The following RAD18 variants were observed in gnomAD, a reference collection of about 807,000 sequenced individuals.
The protein encoded by RAD18 is RAD18 E3 ubiquitin protein ligase, also known as E3 ubiquitin-protein ligase RAD18.
In RAD18, 47 loss-of-function variants were observed where a neutral mutation model predicts 60.4. The observed-to-expected ratio is 0.78, with a 90% CI of 0.62 to 0.99. The LOEUF (loss-of-function observed/expected upper bound fraction) is 0.99, where lower values mean the gene tolerates loss of function less well. Among genes scored for constraint, RAD18 ranks in the 50% least tolerant of loss-of-function variants. The pLI is 0.00. For synonymous variants in RAD18, 225 were observed against 195.5 expected (o/e 1.15, Z -1.26); for missense variants, 640 against 593.3 (o/e 1.08, Z -0.82).
At position 8,939,458 on chromosome 3, in the gene RAD18, G is replaced by A. The variant is rs11922749; in HGVS notation, c.704+96C>T. Reference sequence around the variant, plus strand: ...GAAAGCAAGTAAGAGCAGGAAATACGGTCACCAGGATAAAAGGAATACTGT... The same window carrying A: ...GAAAGCAAGTAAGAGCAGGAAATACAGTCACCAGGATAAAAGGAATACTGT... On this transcript the variant is annotated intron_variant, in intron 6 of 12. Transcript: ENST00000264926. 6.5e-3 allele frequency: 6,326 copies of A among 978,598 alleles called. 294 individuals carry two copies. In the African/African-American group the frequency reaches 0.09, roughly 14 times the overall value. The allele number at this position is 978,598 out of a possible 1,614,324, so 60.6% of individuals were successfully genotyped here. A position where few individuals can be genotyped will look rare whatever the true frequency, so the allele number is the denominator to read the frequency against.
chr3:8,945,614 G>A (rs889726568), intron 4 of RAD18, among the ~76,000 whole-genome samples: 2 of 151,560 alleles, frequency 1.3e-5, no homozygotes, highest in African/African-American at 4.8e-5. Context: ...TGGGATTACA[G>A]GTGTGTGCCA....
intron 7 of RAD18, among the ~76,000 whole-genome samples, chr3:8,925,753 C>A (rs1251165188): frequency 1.7e-4 from 26 of 152,126 alleles, no homozygotes; most frequent in African/African-American, 6.3e-4. Flanking sequence ...AAGGCTGGTT[C>A]AACATATGCA....
chr3:8,906,992 A>G (rs1940018363), intron 9 of RAD18, among the ~76,000 whole-genome samples: 1 of 152,220 alleles, frequency 6.6e-6, no homozygotes, highest in South Asian at 2.1e-4. Context: ...CTGTGGTCAG[A>G]GAACGTATTT....
chr3:8,927,486 G>A lies in RAD18; in HGVS notation c.889+8385C>T, dbSNP rs1940462042. Among the ~76,000 whole-genome samples, 4 of 152,216 alleles carry A rather than the reference G, an allele frequency of 2.6e-5. No homozygotes were observed. The South Asian group carries it at 8.3e-4, about 32-fold the overall frequency. On this transcript the variant is annotated intron_variant, in intron 7 of 12. Transcript: ENST00000264926. ...GGGACTGTAAACTAGTTCAACCATT[G>A]TAGAAGTCAGTGTGGCAATTCCTCA...
At chr3:8,906,151 C>T (rs565698542) in intron 9 of RAD18, among the ~76,000 whole-genome samples, 122 of 152,086 alleles carry the variant, frequency 8.0e-4, no homozygotes, top group Middle Eastern at 3.4e-3. Context: ...TATCAGAATG[C>T]GTTAAAAATG....
At chr3:8,959,045 A>C (rs749852968) in intron 1 of RAD18, 44 bp from the exon 2 acceptor site, 3 of 1,511,402 alleles carry the variant, frequency 2.0e-6, no homozygotes, top group Non-Finnish European at 1.8e-6. Flanking sequence ...AAGACATCAA[A>C]ATTGGAAGTC....
At chr3:8,901,855 T>C (rs1490530034) in intron 10 of RAD18, among the ~76,000 whole-genome samples, 1 of 152,246 alleles carries the variant, frequency 6.6e-6, no homozygotes, top group Non-Finnish European at 1.5e-5. Context: ...GCAATTTTCT[T>C]GCGCACTTTC....
intron 3 of RAD18, among the ~76,000 whole-genome samples, 176 bp from the exon 4 acceptor site, chr3:8,947,466 T>A (rs1041299569): frequency 6.6e-6 from 1 of 152,178 alleles, no homozygotes; most frequent in South Asian, 2.1e-4. Flanking sequence ...TTTAAAACAG[T>A]GAATCAGTAT....
intron 2 of RAD18, among the ~76,000 whole-genome samples, chr3:8,950,466 T>G (rs1940909615): frequency 6.6e-6 from 1 of 152,214 alleles, no homozygotes; most frequent in South Asian, 2.1e-4. Flanking sequence ...CTAGCCATCC[T>G]GTCCCATCTA....
intron 7 of RAD18, among the ~76,000 whole-genome samples, chr3:8,921,874 T>C (rs659798): frequency 0.69 from 104,623 of 152,070 alleles, 36,575 homozygotes; most frequent in Middle Eastern, 0.77. Context: ...AAAGCAAAAA[T>C]AGTAACAAGG....
intron 12 of RAD18, among the ~76,000 whole-genome samples, chr3:8,886,769 G>T (rs1402648780): frequency 6.6e-6 from 1 of 152,208 alleles, no homozygotes. Flanking sequence ...CAGAAGCAGC[G>T]GCGTGTGCAA....
intron 7 of RAD18, among the ~76,000 whole-genome samples, chr3:8,926,644 C>T (rs1176331520): frequency 6.6e-6 from 1 of 152,198 alleles, no homozygotes; most frequent in East Asian, 1.9e-4. Context: ...CATCATGCTA[C>T]TTGACTTCAA....
intron 12 of RAD18, among the ~76,000 whole-genome samples, chr3:8,882,088 G>A (rs530197261): frequency 2.0e-5 from 3 of 152,260 alleles, no homozygotes; most frequent in Admixed American, 6.5e-5. Context: ...CTGGGAGCAG[G>A]ACAGGTGAAT....
chr3:8,906,493 T>C (rs1458302628), intron 9 of RAD18, among the ~76,000 whole-genome samples: 5 of 152,198 alleles, frequency 3.3e-5, no homozygotes, highest in Non-Finnish European at 5.9e-5. Context: ...ACCTCTCTAA[T>C]AAGGCTGGTC....
Position 8,941,724 on chromosome 3 carries a change from A to C in RAD18, c.347T>G (p.Val116Gly), listed in dbSNP as rs755498145. The change falls in exon 5 of 13, where the codon GTA becomes GGA. Residue 116 changes from valine (V) to glycine (G), a missense_variant. Val to Gly is a moderately radical substitution (Grantham distance 109). Transcript: ENST00000264926. Reference protein sequence around the residue: ...SSSSKNLAVKVYTPVASRQSL... With the variant: ...SSSSKNLAVKGYTPVASRQSL... ...CTGTCTGGAGGCTACAGGAGTATAT[A>C]CTTTGACAGCAAGATTCTTTGAAGA... 3.1e-6 allele frequency: 5 copies of C among 1,614,052 alleles called. No homozygotes were observed. In the Admixed American group the frequency reaches 6.7e-5, roughly 22 times the overall value.
intron 7 of RAD18, among the ~76,000 whole-genome samples, chr3:8,931,231 T>C (rs1402168406): frequency 7.2e-5 from 11 of 151,788 alleles, no homozygotes; most frequent in Admixed American, 7.2e-4. Context: ...TAATAAACAA[T>C]GAGAAATAAA....
At chr3:8,960,281 G>A (rs531720538) in intron 1 of RAD18, among the ~76,000 whole-genome samples, 3 of 152,072 alleles carry the variant, frequency 2.0e-5, no homozygotes, top group Non-Finnish European at 4.4e-5. Flanking sequence ...TTCCAGTCTG[G>A]GCGACAGTGA....
At chr3:8,896,842 G>T (rs1024679090) in intron 11 of RAD18, among the ~76,000 whole-genome samples, 1 of 152,108 alleles carries the variant, frequency 6.6e-6, no homozygotes, top group African/African-American at 2.4e-5. Flanking sequence ...GAAGAAAAGG[G>T]TTAGGAAACA....
intron 12 of RAD18, among the ~76,000 whole-genome samples, chr3:8,887,023 G>C (rs1395598147): frequency 2.6e-5 from 4 of 152,224 alleles, no homozygotes; most frequent in African/African-American, 7.2e-5. Flanking sequence ...CCAAGGCAGA[G>C]AGACAGCTAG....
Sources: gnomAD v4.1 joint callset for allele counts (sites outside exome capture counted in the v4.1 genomes callset) on GRCh38, gnomAD v4.1.1 for gene constraint, MANE v1.5 for transcripts, NCBI Gene and HGNC (gene_info 2026-07-23, HGNC 2026-07-21) for gene names.